The following ERLIN1 variants were observed in gnomAD, a reference collection of about 807,000 sequenced individuals.
ERLIN1 encodes erlin-1.
In ERLIN1, 24 loss-of-function variants were observed where a neutral mutation model predicts 46.9. The ratio of observed to expected loss-of-function variants is 0.51; its 90% confidence interval spans 0.37 to 0.72. ERLIN1 has a LOEUF of 0.72. Among genes scored for constraint, ERLIN1 ranks in the 30% least tolerant of loss-of-function variants. The pLI is 0.00. For missense variants in ERLIN1, 293 were observed against 417.9 expected (o/e 0.70, Z 2.61); for synonymous variants, 158 against 143.2 (o/e 1.10, Z -0.74).
chr10:100,153,347 CTGTTT>C (rs1842907448), intron 10 of ERLIN1, among the ~76,000 whole-genome samples: 1 of 152,212 alleles, frequency 6.6e-6, no homozygotes, highest in South Asian at 2.1e-4. Flanking sequence ...CTCTGTCACA[CTGTTT>C]TGTTTTGTCT....
chr10:100,178,557 T>A (rs777526448), intron 3 of ERLIN1, among the ~76,000 whole-genome samples: 1 of 152,244 alleles, frequency 6.6e-6, no homozygotes, highest in African/African-American at 2.4e-5. Context: ...AGTATCAGCA[T>A]CACCCAGGAA....
intron 8 of ERLIN1, 21 bp from the exon 9 acceptor site, chr10:100,156,255 AAGACAC>A: frequency 6.5e-7 from 1 of 1,545,578 alleles, no homozygotes; most frequent in African/African-American, 1.4e-5. Context: ...ACAACATAAG[AAGACAC>A]ATTCAAAACC....
chr10:100,152,878 T>A (rs932944420), intron 10 of ERLIN1, among the ~76,000 whole-genome samples: 56 of 151,884 alleles, frequency 3.7e-4, no homozygotes, highest in African/African-American at 1.0e-3. Context: ...GGAGATGAGA[T>A]CTCACTCTGT....
chr10:100,173,406 G>A (rs11190413), intron 6 of ERLIN1, among the ~76,000 whole-genome samples: 6 of 151,958 alleles, frequency 3.9e-5, no homozygotes, highest in African/African-American at 7.3e-5. Flanking sequence ...CACCTACCCC[G>A]CCACACTGTG....
intron 10 of ERLIN1, among the ~76,000 whole-genome samples, chr10:100,154,621 CTTAA>C (rs1378161379): frequency 6.6e-6 from 1 of 152,168 alleles, no homozygotes; most frequent in Non-Finnish European, 1.5e-5. Flanking sequence ...AGACCTTCAA[CTTAA>C]TTAATTATTC....
intron 10 of ERLIN1, among the ~76,000 whole-genome samples, chr10:100,154,013 T>C (rs994167554): frequency 6.6e-6 from 1 of 152,206 alleles, no homozygotes; most frequent in African/African-American, 2.4e-5. Context: ...AAAAGCCCTG[T>C]CTATATCTTA....
At chr10:100,154,832 T>A (rs1842988896) in intron 10 of ERLIN1, 28 bp downstream of exon 10, 2 of 1,589,390 alleles carry the variant, frequency 1.3e-6, no homozygotes, top group East Asian at 4.5e-5. Context: ...AAATGCATCA[T>A]TAGGAAAGTG....
intron 6 of ERLIN1, among the ~76,000 whole-genome samples, chr10:100,171,532 A>G (rs1205987680): frequency 6.6e-6 from 1 of 152,148 alleles, no homozygotes; most frequent in African/African-American, 2.4e-5. Flanking sequence ...CAGCCTCCCA[A>G]GTAGCTGGGA....
intron 2 of ERLIN1, among the ~76,000 whole-genome samples, chr10:100,181,585 G>A (rs1213653495): frequency 2.0e-5 from 3 of 149,642 alleles, no homozygotes; most frequent in Admixed American, 2.0e-4. Context: ...TACGATCTCG[G>A]CTCACTGCAA....
Position 100,185,673 on chromosome 10 carries a change from G to A in ERLIN1, c.-47C>T, listed in dbSNP as rs1844928963. ...GAGAAAAGGACCCTCAGTCCCGTGA[G>A]TGACAGGTCCACCCCCTCCAGTTTC... On this transcript the variant is annotated 5_prime_UTR_variant, in exon 1 of 11. Coordinates refer to ENST00000421367, the MANE Select transcript of ERLIN1 (RefSeq NM_006459.4). The A allele has an allele frequency of 6.8e-7, 1 of 1,478,030 alleles. No homozygotes were observed. Among genetic ancestry groups the A allele is most frequent in the African/African-American group, 1.4e-5 (1 of 72,340 alleles). The allele number at this position is 1,478,030 out of a possible 1,614,324, so 91.6% of individuals were successfully genotyped here. A position where few individuals can be genotyped will look rare whatever the true frequency, so the allele number is the denominator to read the frequency against.
intron 8 of ERLIN1, 97 bp from the exon 9 acceptor site, chr10:100,156,331 G>A (rs1843080826): frequency 2.7e-6 from 2 of 734,958 alleles, no homozygotes; most frequent in Non-Finnish European, 4.8e-6. Flanking sequence ...TTTAATTACA[G>A]AAAGTTTTAT....
chr10:100,156,049 TG>T, intron 9 of ERLIN1, 95 bp downstream of exon 9: 2 of 756,322 alleles, frequency 2.6e-6, no homozygotes, highest in Non-Finnish European at 4.7e-6. Context: ...ATTCTGTCTA[TG>T]GCCTTCTCAC....
chr10:100,156,828 C>T (rs1843105185), intron 8 of ERLIN1, among the ~76,000 whole-genome samples: 1 of 151,930 alleles, frequency 6.6e-6, no homozygotes, highest in Non-Finnish European at 1.5e-5. Context: ...GCTTAAGCAA[C>T]ACAGTGAGAC....
In ERLIN1 at chr10:100,178,145, C is replaced by A. The variant is rs770676871; in HGVS notation, c.292G>T (p.Ala98Ser). The change falls in exon 4 of 11, where the codon GCT becomes TCT. Residue 98 changes from alanine to serine, a missense_variant. By Grantham distance (99) the Ala-to-Ser change is moderately conservative. This residue lies in a region of ERLIN1 where 148 missense variants were observed against 266.5 expected (regional missense o/e 0.56). Coordinates refer to ENST00000421367, the MANE Select transcript of ERLIN1 (RefSeq NM_006459.4). ...IDRIEVVNML[A>S]PYAVFDIVRN... ...ATGGGTAACATACCTGCATAAGGAG[C>A]CAACATATTAACCACTTCTATTCGG... The A allele has an allele frequency of 1.3e-6, 2 of 1,578,754 alleles. No homozygotes were observed. The highest frequency in any genetic ancestry group is 4.6e-5 in the East Asian group (2 of 43,750).
At chr10:100,167,055 G>C (rs987608785) in intron 7 of ERLIN1, among the ~76,000 whole-genome samples, 1 of 152,074 alleles carries the variant, frequency 6.6e-6, no homozygotes, top group Non-Finnish European at 1.5e-5. Flanking sequence ...TTAATTCAAG[G>C]TACTATTCAT....
chr10:100,165,591 T>C (rs1044466315), intron 7 of ERLIN1, among the ~76,000 whole-genome samples: 17 of 152,016 alleles, frequency 1.1e-4, no homozygotes, highest in Non-Finnish European at 1.5e-4. Context: ...TTTCATTGTG[T>C]TAGCTAGGAT....
At chr10:100,153,140 G>A (rs1487387029) in intron 10 of ERLIN1, among the ~76,000 whole-genome samples, 1 of 152,192 alleles carries the variant, frequency 6.6e-6, no homozygotes, top group African/African-American at 2.4e-5. Flanking sequence ...TCTAGAACTA[G>A]AATAAAATCT....
intron 7 of ERLIN1, among the ~76,000 whole-genome samples, chr10:100,164,914 A>G (rs1356398431): frequency 6.6e-6 from 1 of 152,186 alleles, no homozygotes; most frequent in African/African-American, 2.4e-5. Context: ...GAACATAAAT[A>G]AATTTTATAT....
chr10:100,165,988 A>G (rs1353451290), intron 7 of ERLIN1, among the ~76,000 whole-genome samples: 1 of 152,234 alleles, frequency 6.6e-6, no homozygotes, highest in Non-Finnish European at 1.5e-5. Flanking sequence ...AGCCTCCTGA[A>G]GTGCTATGAT....
Sources: allele counts gnomAD v4.1 joint callset (sites outside exome capture counted in the v4.1 genomes callset), GRCh38; gene constraint gnomAD v4.1.1; regional missense constraint gnomAD v4.1.1; transcripts MANE v1.5; gene names NCBI Gene and HGNC (gene_info 2026-07-23, HGNC 2026-07-21).